MAP2K5: variants seen among roughly 807,000 people sequenced by gnomAD.
The protein encoded by MAP2K5 is dual specificity mitogen-activated protein kinase kinase 5.
Under a neutral mutation model 83.1 loss-of-function variants are expected in MAP2K5, and 49 were observed. The observed-to-expected ratio is 0.59, with a 90% CI of 0.47 to 0.75. The LOEUF (loss-of-function observed/expected upper bound fraction) is 0.75. Ranked by LOEUF, MAP2K5 falls within the 30% of genes least tolerant of loss-of-function variation. The probability of loss-of-function intolerance (pLI) is 0.00; values close to 1 mark genes in which losing one functional copy is unlikely to be tolerated. For synonymous variants in MAP2K5, 202 were observed against 191.8 expected (o/e 1.05, Z -0.44); for missense variants, 457 against 557.5 (o/e 0.82, Z 1.82).
chr15:67,803,828 A>G (rs1392320260), intron 21 of MAP2K5, among the ~76,000 whole-genome samples: 2 of 152,182 alleles, frequency 1.3e-5, no homozygotes. Context: ...ATGAGGGGGA[A>G]TTGCAATCTG....
chr15:67,637,261 A>T lies in MAP2K5; in HGVS notation c.585+6334A>T, dbSNP rs558623792. On this transcript the variant is annotated intron_variant, in intron 9 of 21. Transcript: ENST00000178640. The surrounding 1 kb of genome is among the most constrained non-coding windows in gnomAD (Gnocchi z 4.5). Reference sequence around the variant, plus strand: ...TACTCCTTAATAAATTCCCCTTCATATATACATCTATCCTATTAGTTCTGT... The same window carrying T: ...TACTCCTTAATAAATTCCCCTTCATTTATACATCTATCCTATTAGTTCTGT... 3.9e-5 allele frequency among the ~76,000 whole-genome samples: 6 copies of T among 152,142 alleles called. No homozygotes were observed. The highest frequency in any genetic ancestry group is 1.4e-4 in the African/African-American group (6 of 41,434).
intron 16 of MAP2K5, among the ~76,000 whole-genome samples, chr15:67,715,275 G>A (rs1596843706): frequency 1.3e-5 from 2 of 152,018 alleles, no homozygotes; most frequent in Admixed American, 6.5e-5. Flanking sequence ...TAATGCAAAA[G>A]GAGCTGTTAA....
rs2090072256 is a variant in MAP2K5, at chr15:67,767,989, G to A, written c.1135-1613G>A. Among the ~76,000 whole-genome samples, 4 of 152,118 alleles carry A rather than the reference G, an allele frequency of 2.6e-5. No homozygotes were observed. The South Asian group carries it at 8.3e-4, about 32-fold the overall frequency. On this transcript the variant is annotated intron_variant, in intron 19 of 21. Coordinates refer to ENST00000178640, the MANE Select transcript of MAP2K5 (RefSeq NM_145160.3). The stretch of plus-strand genomic sequence containing the variant: ...TGGATGAATAGATTAAATTTAAAGA[G>A]GACAGATATGCAAAAACCAAGAAAC...
rs1016262999 is a variant in MAP2K5, at chr15:67,786,830, CATAAA to C, written c.1242+14083_1242+14087del. The stretch of plus-strand genomic sequence containing the variant: ...GTTAGACACTTAGCACAGTGTCTGG[CATAAA>C]ATAAGTGTTCAATAAATGGTAACCA... On this transcript the variant is annotated intron_variant, in intron 21 of 21. Coordinates refer to ENST00000178640, the MANE Select transcript of MAP2K5 (RefSeq NM_145160.3). This position sits in a 1 kb window ranked among gnomAD's most constrained non-coding sequence, Gnocchi z 4.7. Among the ~76,000 whole-genome samples, 4 of 152,156 alleles carry C rather than the reference CATAAA, an allele frequency of 2.6e-5. No individual in the cohort carries two copies. Among genetic ancestry groups the C allele is most frequent in the African/African-American group, 9.7e-5 (4 of 41,412 alleles).
At position 67,697,777 on chromosome 15, in the gene MAP2K5, C is replaced by T. The variant is rs183666215; in HGVS notation, c.972+4209C>T. On this transcript the variant is annotated intron_variant, in intron 15 of 21. Transcript: ENST00000178640. ...CTCAAATATGAAAAAGAAAATATATCAGAATGAAATAGCCCTGTATATGTG... is the reference window on the plus strand; with the variant it reads ...CTCAAATATGAAAAAGAAAATATATTAGAATGAAATAGCCCTGTATATGTG... Among the ~76,000 whole-genome samples, 152 of 152,254 alleles carry T rather than the reference C, an allele frequency of 1.0e-3. 1 individual carries two copies. Among genetic ancestry groups the T allele is most frequent in the African/African-American group, 3.5e-3 (144 of 41,558 alleles).
chr15:67,716,843 A>C (rs897959286), intron 16 of MAP2K5, among the ~76,000 whole-genome samples: 6 of 152,160 alleles, frequency 3.9e-5, no homozygotes, highest in Non-Finnish European at 8.8e-5. Context: ...TAACAAAGCT[A>C]TTTGGTATTC....
chr15:67,627,059 T>C (rs898725865), intron 8 of MAP2K5, among the ~76,000 whole-genome samples: 4 of 152,132 alleles, frequency 2.6e-5, no homozygotes, highest in African/African-American at 9.7e-5. Flanking sequence ...AGCCTCCCTG[T>C]AGTCCCTACA....
intron 8 of MAP2K5, chr15:67,628,607 G>C: frequency 7.9e-7 from 1 of 1,269,964 alleles, no homozygotes. Flanking sequence ...AAGAAAAGGG[G>C]CTTTGCCTTT....
intron 16 of MAP2K5, among the ~76,000 whole-genome samples, chr15:67,713,086 T>C (rs1394167572): frequency 6.6e-6 from 1 of 152,174 alleles, no homozygotes; most frequent in African/African-American, 2.4e-5. Flanking sequence ...GGGAAAAATA[T>C]ATGTTTGTAC....
At chr15:67,663,573 T>C (rs547246114) in intron 12 of MAP2K5, among the ~76,000 whole-genome samples, 1 of 152,256 alleles carries the variant, frequency 6.6e-6, no homozygotes, top group East Asian at 1.9e-4. Context: ...TAGTTAACTT[T>C]TTAAAAATGT....
In MAP2K5 at chr15:67,785,802, A is replaced by G. The variant is rs557852920; in HGVS notation, c.1242+13050A>G. On this transcript the variant is annotated intron_variant, in intron 21 of 21. Transcript: ENST00000178640. This position sits in a 1 kb window ranked among gnomAD's most constrained non-coding sequence, Gnocchi z 4.4. ...TAAGGATGGTCTTTCAAAGCTTGCA[A>G]ATCAGTCTATCGTGTGAATGTGAGC... Among the ~76,000 whole-genome samples the G allele has an allele frequency of 6.6e-6, 1 of 152,164 alleles. No homozygotes were observed. The highest frequency in any genetic ancestry group is 2.4e-5 in the African/African-American group (1 of 41,506).
At position 67,561,610 on chromosome 15, in the gene MAP2K5, C is replaced by T. The variant is rs909418488; in HGVS notation, c.185-1673C>T. Among the ~76,000 whole-genome samples the T allele has an allele frequency of 1.3e-5, 2 of 152,128 alleles. No individual in the cohort carries two copies. The highest frequency in any genetic ancestry group is 2.9e-5 in the Non-Finnish European group (2 of 68,028). ...CACACTGAGTTGGGGAACTCTGCAGCAGTGAACCAGGATCCAGAAACAAGT... is the reference window on the plus strand; with the variant it reads ...CACACTGAGTTGGGGAACTCTGCAGTAGTGAACCAGGATCCAGAAACAAGT... On this transcript the variant is annotated intron_variant, in intron 2 of 21. Transcript: ENST00000178640. The surrounding 1 kb of genome is among the most constrained non-coding windows in gnomAD (Gnocchi z 4.2).
chr15:67,715,357 C>T (rs1345783720), intron 16 of MAP2K5, among the ~76,000 whole-genome samples: 1 of 152,166 alleles, frequency 6.6e-6, no homozygotes, highest in Non-Finnish European at 1.5e-5. Flanking sequence ...CCAGCTGTCT[C>T]ATATTACCAT....
At chr15:67,796,149 T>A (rs935110293) in intron 21 of MAP2K5, among the ~76,000 whole-genome samples, 2 of 152,254 alleles carry the variant, frequency 1.3e-5, no homozygotes, top group African/African-American at 4.8e-5. Context: ...AATTGATTAA[T>A]CATTTATATT....
Position 67,638,068 on chromosome 15 carries a change from A to G in MAP2K5, c.585+7141A>G, listed in dbSNP as rs2086642359. ...AAAAAGTTAATTTTTTTAACTTTTA[A>G]TTTAACTTTTTTAATTTAACTTTTA... On this transcript the variant is annotated intron_variant, in intron 9 of 21. Transcript: ENST00000178640. This position sits in a 1 kb window ranked among gnomAD's most constrained non-coding sequence, Gnocchi z 4.5. 1.3e-5 allele frequency among the ~76,000 whole-genome samples: 2 copies of G among 150,410 alleles called. No individual in the cohort carries two copies. The highest frequency in any genetic ancestry group is 3.0e-5 in the Non-Finnish European group (2 of 67,492).
In MAP2K5 at chr15:67,806,731, G is replaced by C; in HGVS notation, c.1328G>C (p.Ser443Thr). The C allele has an allele frequency of 6.4e-7, 1 of 1,552,990 alleles. No homozygotes were observed. The highest frequency in any genetic ancestry group is 8.7e-7 in the Non-Finnish European group (1 of 1,149,684). Residue 443 changes from serine to threonine, a missense_variant, in exon 22 of 22, where the codon AGC (serine) becomes ACC (threonine). Ser to Thr is a moderately conservative substitution (Grantham distance 58, BLOSUM62 1). Around this residue, in one of 3 missense-constraint regions of MAP2K5, gnomAD observed 55 missense variants for 50.9 expected, o/e 1.08. Coordinates refer to ENST00000178640, the MANE Select transcript of MAP2K5 (RefSeq NM_145160.3). ...WVCRALEERR[S>T]QQGPP ...TGCCGGGCGCTGGAGGAGAGGCGGA[G>C]CCAGCAGGGGCCCCCGTGAGGCTGC...
intron 8 of MAP2K5, chr15:67,628,434 C>T (rs62016178): frequency 0.02 from 11,037 of 553,150 alleles, 200 homozygotes; most frequent in Non-Finnish European, 0.021. Flanking sequence ...GAGCCAAGAT[C>T]GTGCCACTGC....
chr15:67,707,447 T>A (rs2088583774), intron 16 of MAP2K5, among the ~76,000 whole-genome samples: 1 of 152,248 alleles, frequency 6.6e-6, no homozygotes, highest in Admixed American at 6.5e-5. Context: ...CAACACTTTC[T>A]AAGAATTACT....
At chr15:67,716,564 C>T (rs900307710) in intron 16 of MAP2K5, among the ~76,000 whole-genome samples, 3 of 152,054 alleles carry the variant, frequency 2.0e-5, no homozygotes, top group Non-Finnish European at 4.4e-5. Context: ...TCTTATATGC[C>T]TTATGTTGTA....
Sources: gnomAD v4.1 joint callset for allele counts (sites outside exome capture counted in the v4.1 genomes callset) on GRCh38, gnomAD v4.1.1 for gene constraint, gnomAD v4.1.1 regional missense constraint, Gnocchi (gnomAD v3.1) non-coding constraint, MANE v1.5 for transcripts, NCBI Gene and HGNC (gene_info 2026-07-23, HGNC 2026-07-21) for gene names.